Variants in MAK16 observed in about 807,000 individuals in gnomAD.
MAK16 encodes protein MAK16 homolog.
A neutral mutation model predicts 49.9 loss-of-function variants in MAK16; 12 were observed. That is an observed-to-expected ratio of 0.24 (90% CI 0.15 to 0.39). The LOEUF is 0.39. MAK16 is among the 10% of genes least tolerant of loss of function. The pLI, the probability that MAK16 is intolerant of heterozygous loss-of-function variation, is 1.00. For synonymous variants in MAK16, 115 were observed against 126.4 expected, an observed-to-expected ratio of 0.91 and a Z score of 0.60; for missense variants, 292 against 363.7, an observed-to-expected ratio of 0.80 and a Z score of 1.60.
Position 33,499,360 on chromosome 8 carries a change from T to C in MAK16, c.*731T>C, listed in dbSNP as rs1004446487. Reference sequence around the variant, plus strand: ...TTTGCTTGATTCTTCTTCCTTGGTATCATATTCAAAGGAGGAAAGAATGGA... The same window carrying C: ...TTTGCTTGATTCTTCTTCCTTGGTACCATATTCAAAGGAGGAAAGAATGGA... On this transcript the variant is annotated 3_prime_UTR_variant, in exon 10 of 10. Transcript: ENST00000360128. 1 of 1,004,730 alleles carries C rather than the reference T, an allele frequency of 1.0e-6. No individual in the cohort carries two copies. The highest frequency in any genetic ancestry group is 1.9e-5 in the Admixed American group (1 of 51,354). 62.2% of individuals were successfully genotyped at this position (1,004,730 alleles called of 1,614,324 possible).
chr8:33,496,768 C>T (rs758248947), intron 8 of MAK16, 27 bp downstream of exon 8: 4 of 1,485,398 alleles, frequency 2.7e-6, no homozygotes, highest in East Asian at 2.3e-5. Context: ...TTTTGCCAAA[C>T]CTACTAGATA....
At chr8:33,491,993 C>T (rs779031205) in intron 6 of MAK16, among the ~76,000 whole-genome samples, 1 of 151,130 alleles carries the variant, frequency 6.6e-6, no homozygotes, top group Non-Finnish European at 1.5e-5. Flanking sequence ...GTTTGAGCTC[C>T]TTATATAGTC....
At chr8:33,486,690 G>C (rs1808693246) in intron 1 of MAK16, among the ~76,000 whole-genome samples, 2 of 152,182 alleles carry the variant, frequency 1.3e-5, no homozygotes, top group African/African-American at 4.8e-5. Flanking sequence ...ATTAAGTGAA[G>C]AAGAAAAGGA....
chr8:33,486,987 T>A (rs977660576), intron 1 of MAK16, among the ~76,000 whole-genome samples: 1 of 152,218 alleles, frequency 6.6e-6, no homozygotes, highest in African/African-American at 2.4e-5. Context: ...CTTACCTGTT[T>A]CCTACCATCC....
rs553400141 is a variant in MAK16 at position 33,495,479 on chromosome 8, A to G, written c.448-63A>G. On this transcript the variant is annotated intron_variant, in intron 6 of 9. Transcript: ENST00000360128. Reference sequence around the variant, plus strand: ...TATAAACAACTTGGTAGTTTCTTCCATTTTTATAAGATGAGTAATGAGCAC... The same window carrying G: ...TATAAACAACTTGGTAGTTTCTTCCGTTTTTATAAGATGAGTAATGAGCAC... The G allele has an allele frequency of 7.9e-6, 11 of 1,396,646 alleles. No homozygotes were observed. In the South Asian group the frequency reaches 1.4e-4, roughly 17 times the overall value. 86.5% of individuals were successfully genotyped at this position (1,396,646 alleles called of 1,614,324 possible). A position where few individuals can be genotyped will look rare whatever the true frequency, so the allele number is the denominator to read the frequency against.
Position 33,500,252 on chromosome 8 carries a change from A to C in MAK16, c.*1623A>C. Reference sequence around the variant, plus strand: ...TCCAGACTTGGTCAGGCACATACATAGTAAATTATAATCAATCATGGGAAT... The same window carrying C: ...TCCAGACTTGGTCAGGCACATACATCGTAAATTATAATCAATCATGGGAAT... On this transcript the variant is annotated 3_prime_UTR_variant, in exon 10 of 10. Coordinates refer to ENST00000360128, the MANE Select transcript of MAK16 (RefSeq NM_032509.4). The C allele has an allele frequency of 6.4e-7, 1 of 1,568,052 alleles. No individual in the cohort carries two copies. Among genetic ancestry groups the C allele is most frequent in the Non-Finnish European group, 8.8e-7 (1 of 1,142,540 alleles).
At position 33,488,822 on chromosome 8, in the gene MAK16, G is replaced by C. The variant is rs773385975; in HGVS notation, c.240+24G>C. ...GGGTAAGCCTTACAACAAAACTACA[G>C]TGACCGCTGATCAAGAGCATCAAAG... On this transcript the variant is annotated intron_variant, in intron 4 of 9. Transcript: ENST00000360128. 16 of 1,613,360 alleles carry C rather than the reference G, an allele frequency of 9.9e-6. No individual in the cohort carries two copies. In the East Asian group the frequency reaches 2.7e-4, roughly 27 times the overall value.
intron 8 of MAK16, among the ~76,000 whole-genome samples, chr8:33,496,994 T>C (rs1319186961): frequency 6.6e-6 from 1 of 152,200 alleles, no homozygotes; most frequent in African/African-American, 2.4e-5. Flanking sequence ...TTCCTGTCTA[T>C]ATGTAGTTTT....
At position 33,485,214 on chromosome 8, in the gene MAK16, C is replaced by G; in HGVS notation, c.8C>G (p.Ser3Trp). Residue 3 changes from serine (S) to tryptophan (W), a missense_variant, in exon 1 of 10, where the codon TCG (serine) becomes TGG (tryptophan). By Grantham distance (177) the Ser-to-Trp change is radical. Coordinates refer to ENST00000360128, the MANE Select transcript of MAK16 (RefSeq NM_032509.4). Reference protein sequence around the residue: MQSDDVIWDTLGN... With the variant: MQWDDVIWDTLGN... ...CGCTGAGCCGCGGACACCATGCAGT[C>G]GGATGATGTGAGTCTCCTCCGGTTG... The G allele has an allele frequency of 1.2e-6, 2 of 1,614,174 alleles. No individual in the cohort carries two copies. Among genetic ancestry groups the G allele is most frequent in the Non-Finnish European group, 1.7e-6 (2 of 1,180,046 alleles).
At chr8:33,485,849 TAAC>T (rs1487110518) in intron 1 of MAK16, among the ~76,000 whole-genome samples, 1 of 152,114 alleles carries the variant, frequency 6.6e-6, no homozygotes, top group African/African-American at 2.4e-5. Flanking sequence ...ACAAATAAGT[TAAC>T]AATTACACTA....
At position 33,498,786 on chromosome 8, in the gene MAK16, G is replaced by A. The variant is rs1808945433; in HGVS notation, c.*157G>A. ...TATTTATGCCACGTCAGTGGGGCAA[G>A]AAATCTGGAGTGAGTGAAGAAAGCT... On this transcript the variant is annotated 3_prime_UTR_variant, in exon 10 of 10. Transcript: ENST00000360128. The A allele has an allele frequency of 1.9e-5, 13 of 673,778 alleles. No homozygotes were observed. The highest frequency in any genetic ancestry group is 2.5e-5 in the Non-Finnish European group (10 of 400,368). 41.7% of individuals were successfully genotyped at this position (673,778 alleles called of 1,614,324 possible).
rs2128824988 is a variant in MAK16, at chr8:33,497,213, A to G, written c.640-19A>G. The G allele has an allele frequency of 6.3e-7, 1 of 1,575,368 alleles. No individual in the cohort carries two copies. Among genetic ancestry groups the G allele is most frequent in the Non-Finnish European group, 8.7e-7 (1 of 1,145,370 alleles). On this transcript the variant is annotated intron_variant, in intron 8 of 9. Coordinates refer to ENST00000360128, the MANE Select transcript of MAK16 (RefSeq NM_032509.4). The stretch of plus-strand genomic sequence containing the variant: ...CTTCATTATGTATTCTGAACCTAAC[A>G]GTTATGTTTTATTTATAGGATGTGG...
At chr8:33,487,450 G>T (rs1193080537) in intron 1 of MAK16, among the ~76,000 whole-genome samples, 2 of 149,410 alleles carry the variant, frequency 1.3e-5, no homozygotes, top group Admixed American at 1.3e-4. Flanking sequence ...TTTGGAGATG[G>T]ATTCTCACTC....
chr8:33,493,042 T>C (rs1014966331), intron 6 of MAK16, among the ~76,000 whole-genome samples: 2 of 152,172 alleles, frequency 1.3e-5, no homozygotes, highest in East Asian at 3.8e-4. Flanking sequence ...AGCTTTTCTT[T>C]TGATGCTTCT....
chr8:33,488,660 C>G (rs2128823451), intron 3 of MAK16, 31 bp downstream of exon 3: 1 of 1,611,724 alleles, frequency 6.2e-7, no homozygotes, highest in East Asian at 2.2e-5. Flanking sequence ...TCTAGAAGAA[C>G]TGCTCCACAG....
Position 33,498,798 on chromosome 8 carries a change from G to T in MAK16, c.*169G>T. On this transcript the variant is annotated 3_prime_UTR_variant, in exon 10 of 10. Transcript: ENST00000360128. The stretch of plus-strand genomic sequence containing the variant: ...GTCAGTGGGGCAAGAAATCTGGAGT[G>T]AGTGAAGAAAGCTAAGTTGTGAACA... 3 of 651,414 alleles carry T rather than the reference G, an allele frequency of 4.6e-6. No homozygotes were observed. The highest frequency in any genetic ancestry group is 2.0e-5 in the South Asian group (1 of 48,972). 40.4% of individuals were successfully genotyped at this position (651,414 alleles called of 1,614,324 possible). A position where few individuals can be genotyped will look rare whatever the true frequency, so the allele number is the denominator to read the frequency against.
Position 33,498,691 on chromosome 8 carries a change from TC to T in MAK16, c.*63del. The stretch of plus-strand genomic sequence containing the variant: ...CAGAACTGTTTTTTTTTTTTTTTTA[TC>T]TTAAACACATACACACCTCCAGTTT... On this transcript the variant is annotated 3_prime_UTR_variant, in exon 10 of 10. Coordinates refer to ENST00000360128, the MANE Select transcript of MAK16 (RefSeq NM_032509.4). 1.6e-6 allele frequency: 2 copies of T among 1,237,974 alleles called. No homozygotes were observed. The highest frequency in any genetic ancestry group is 2.3e-6 in the Non-Finnish European group (2 of 877,546). The allele number at this position is 1,237,974 out of a possible 1,614,324, so 76.7% of individuals were successfully genotyped here.
rs11445524 is a variant in MAK16, at chr8:33,498,673, G to GTTTT, written c.*57_*60dup. On this transcript the variant is annotated 3_prime_UTR_variant, in exon 10 of 10. Transcript: ENST00000360128. ...TACCCAGGACTGAACATGCAGAACTGTTTTTTTTTTTTTTTTATCTTAAAC... is the reference window on the plus strand; with the variant it reads ...TACCCAGGACTGAACATGCAGAACTGTTTTTTTTTTTTTTTTTTTTATCTTAAAC... 2.3e-4 allele frequency: 267 copies of GTTTT among 1,173,156 alleles called. No individual in the cohort carries two copies. Among genetic ancestry groups the GTTTT allele is most frequent in the Non-Finnish European group, 2.6e-4 (220 of 847,920 alleles). 72.7% of individuals were successfully genotyped at this position (1,173,156 alleles called of 1,614,324 possible). A position where few individuals can be genotyped will look rare whatever the true frequency, so the allele number is the denominator to read the frequency against.
intron 8 of MAK16, among the ~76,000 whole-genome samples, chr8:33,496,976 T>C (rs1563347953): frequency 6.6e-6 from 1 of 152,216 alleles, no homozygotes. Flanking sequence ...TGACAAATTA[T>C]AAAGCCTTTC....
Sources: gnomAD v4.1 joint callset for allele counts (sites outside exome capture counted in the v4.1 genomes callset) on GRCh38, gnomAD v4.1.1 for gene constraint, MANE v1.5 for transcripts, NCBI Gene and HGNC (gene_info 2026-07-23, HGNC 2026-07-21) for gene names.